Variants in TUBA1C observed in about 807,000 individuals in gnomAD.
TUBA1C encodes the protein tubulin alpha 1c.
A neutral mutation model predicts 34.9 loss-of-function variants in TUBA1C; 16 were observed. That is an observed-to-expected ratio of 0.46 (90% CI 0.31 to 0.70). The LOEUF is 0.70. Ranked by LOEUF, TUBA1C falls within the 30% of genes least tolerant of loss-of-function variation. The probability of loss-of-function intolerance (pLI) is 0.05; values close to 1 mark genes in which losing one functional copy is unlikely to be tolerated. For missense variants in TUBA1C, 329 were observed against 587.3 expected, an observed-to-expected ratio of 0.56 and a Z score of 4.55; for synonymous variants, 177 against 215.9, an observed-to-expected ratio of 0.82 and a Z score of 1.58.
At chr12:49,256,911 G>A (rs1191641501) in intron 1 of TUBA1C, among the ~76,000 whole-genome samples, 3 of 152,122 alleles carry the variant, frequency 2.0e-5, no homozygotes, top group Non-Finnish European at 4.4e-5. Context: ...CAGGAGCGGT[G>A]GTTCACGCCT....
intron 1 of TUBA1C, among the ~76,000 whole-genome samples, chr12:49,253,847 G>A (rs1942755119): frequency 6.6e-6 from 1 of 152,104 alleles, no homozygotes; most frequent in African/African-American, 2.4e-5. Context: ...CTAGAGTTCA[G>A]TCCCAATTTG....
Position 49,269,889 on chromosome 12 carries a change from G to A in TUBA1C, c.288G>A (p.Lys96=), listed in dbSNP as rs749461237. The change falls in exon 3 of 4, where the codon AAG becomes AAA. Residue 96 remains lysine, a synonymous_variant. Coordinates refer to ENST00000301072, the MANE Select transcript of TUBA1C (RefSeq NM_032704.5). ...LFHPEQLITG[K]EDAANNYARG... is the part of the protein sequence containing the mutation. The stretch of plus-strand genomic sequence containing the variant: ...ACCCTGAGCAACTCATCACAGGCAA[G>A]GAAGATGCTGCCAATAACTATGCCC... 6.2e-7 allele frequency: 1 copy of A among 1,614,138 alleles called. No homozygotes were observed. Among genetic ancestry groups the A allele is most frequent in the Non-Finnish European group, 8.5e-7 (1 of 1,180,040 alleles).
intron 1 of TUBA1C, among the ~76,000 whole-genome samples, chr12:49,237,654 A>C (rs569876344): frequency 1.9e-4 from 29 of 151,238 alleles, no homozygotes; most frequent in Non-Finnish European, 4.0e-4. Flanking sequence ...CCAAGGTAAG[A>C]GTATCCCTTG....
At chr12:49,241,996 T>C (rs1393087552) in intron 1 of TUBA1C, among the ~76,000 whole-genome samples, 1 of 150,454 alleles carries the variant, frequency 6.6e-6, no homozygotes, top group Non-Finnish European at 1.5e-5. Context: ...TCTTTCTTTT[T>C]TTTTTTTTTT....
Position 49,245,784 on chromosome 12 carries a change from G to T in TUBA1C, c.213+17618G>T, listed in dbSNP as rs559236679. On this transcript the variant is annotated intron_variant, in intron 1 of 3. Coordinates refer to the TUBA1C transcript ENST00000541364. The stretch of plus-strand genomic sequence containing the variant: ...TCAAAGTGGGCCTACTTTGTTTGGA[G>T]CAGGGCAGGACCAAAGGTTCTAACC... Among the ~76,000 whole-genome samples the T allele has an allele frequency of 1.6e-4, 25 of 152,332 alleles. No homozygotes were observed. In the South Asian group the frequency reaches 5.2e-3, roughly 32 times the overall value.
In TUBA1C at chr12:49,273,385, TG is replaced by T; in HGVS notation, c.*160del. ...CCAGTTAAAGTTGGATGTATGAGGCTGGTAGATGAAACCACCTGAGTCGAGG... is the reference window on the plus strand; with the variant it reads ...CCAGTTAAAGTTGGATGTATGAGGCTGTAGATGAAACCACCTGAGTCGAGG... On this transcript the variant is annotated 3_prime_UTR_variant, in exon 4 of 4. Transcript: ENST00000301072. The T allele has an allele frequency of 2.9e-6, 4 of 1,397,198 alleles. No individual in the cohort carries two copies. The highest frequency in any genetic ancestry group is 3.9e-6 in the Non-Finnish European group (4 of 1,024,922). 86.6% of individuals were successfully genotyped at this position (1,397,198 alleles called of 1,614,324 possible). A position where few individuals can be genotyped will look rare whatever the true frequency, so the allele number is the denominator to read the frequency against.
At chr12:49,268,268 C>T (rs904922772) in intron 1 of TUBA1C, among the ~76,000 whole-genome samples, 4 of 151,994 alleles carry the variant, frequency 2.6e-5, no homozygotes, top group Admixed American at 2.6e-4. Context: ...CTGGCTAATT[C>T]TTGTATTTTT....
At chr12:49,259,279 C>T (rs1376855959) in intron 1 of TUBA1C, among the ~76,000 whole-genome samples, 4 of 151,638 alleles carry the variant, frequency 2.6e-5, no homozygotes, top group Non-Finnish European at 5.9e-5. Flanking sequence ...GTCGCCCAGG[C>T]TGGAATGCAG....
chr12:49,235,900 T>G (rs1942550339), intron 1 of TUBA1C, among the ~76,000 whole-genome samples: 1 of 152,152 alleles, frequency 6.6e-6, no homozygotes, highest in Admixed American at 6.5e-5. Context: ...TCATTTAATT[T>G]CCTCCACCGG....
intron 1 of TUBA1C, among the ~76,000 whole-genome samples, chr12:49,246,822 G>T (rs569491595): frequency 8.7e-4 from 132 of 152,076 alleles, no homozygotes; most frequent in Non-Finnish European, 1.6e-3. Context: ...TCAGACACAG[G>T]GGGCAACCCC....
chr12:49,271,711 A>ACATC (rs1455421901), intron 3 of TUBA1C, among the ~76,000 whole-genome samples: 1 of 152,132 alleles, frequency 6.6e-6, no homozygotes, highest in Non-Finnish European at 1.5e-5. Flanking sequence ...TCTTTACAAG[A>ACATC]CATCCACTGT....
At position 49,269,811 on chromosome 12, in the gene TUBA1C, C is replaced by G. The variant is rs745924647; in HGVS notation, c.227-17C>G. Reference sequence around the variant, plus strand: ...CGCTCCTTGTCCCTCCTCCTCCTCCCCCATCATGTTCTCCAGATGAAGTTC... The same window carrying G: ...CGCTCCTTGTCCCTCCTCCTCCTCCGCCATCATGTTCTCCAGATGAAGTTC... On this transcript the variant is annotated splice_polypyrimidine_tract_variant and intron_variant, in intron 2 of 3. Coordinates refer to ENST00000301072, the MANE Select transcript of TUBA1C (RefSeq NM_032704.5). 3 of 1,613,934 alleles carry G rather than the reference C, an allele frequency of 1.9e-6. No individual in the cohort carries two copies. Among genetic ancestry groups the G allele is most frequent in the African/African-American group, 2.7e-5 (2 of 74,874 alleles).
intron 1 of TUBA1C, among the ~76,000 whole-genome samples, chr12:49,249,570 A>C (rs1421583623): frequency 1.3e-5 from 2 of 152,210 alleles, no homozygotes; most frequent in Non-Finnish European, 2.9e-5. Flanking sequence ...CTTTGAAAAA[A>C]TAACAATGAC....
intron 1 of TUBA1C, among the ~76,000 whole-genome samples, chr12:49,247,719 AG>A (rs1942686057): frequency 6.6e-6 from 1 of 152,074 alleles, no homozygotes. Flanking sequence ...AGGCCAAGGC[AG>A]GCGGATCACG....
chr12:49,250,659 T>C (rs966226330), intron 1 of TUBA1C, among the ~76,000 whole-genome samples: 1 of 152,048 alleles, frequency 6.6e-6, no homozygotes, highest in Admixed American at 6.6e-5. Context: ...ATGACTATGA[T>C]CCCAACACTT....
At chr12:49,233,581 A>T (rs187180405) in intron 1 of TUBA1C, 1 of 152,308 alleles carries the variant, frequency 6.6e-6, no homozygotes, top group African/African-American at 2.4e-5. Flanking sequence ...ACCAGACAAA[A>T]GAGAAGGCCC....
exon 1 of TUBA1C, chr12:49,228,005 G>C (rs1942457876): frequency 6.5e-7 from 1 of 1,535,616 alleles, no homozygotes; most frequent in Non-Finnish European, 8.7e-7. Flanking sequence ...TGAGTGCTTT[G>C]TGTGCTTGGA....
At chr12:49,267,713 C>T (rs1443986322) in intron 1 of TUBA1C, among the ~76,000 whole-genome samples, 2 of 152,176 alleles carry the variant, frequency 1.3e-5, no homozygotes, top group East Asian at 3.8e-4. Flanking sequence ...CTCCCACACC[C>T]CTGGAGCTGG....
At chr12:49,248,571 AAAAAG>A (rs1368681307) in intron 1 of TUBA1C, among the ~76,000 whole-genome samples, 1 of 151,606 alleles carries the variant, frequency 6.6e-6, no homozygotes, top group Non-Finnish European at 1.5e-5. Flanking sequence ...AGAAAAAAAA[AAAAAG>A]AAAAGGGCCG....
Sources: allele counts gnomAD v4.1 joint callset (sites outside exome capture counted in the v4.1 genomes callset), GRCh38; gene constraint gnomAD v4.1.1; transcripts MANE v1.5; gene names NCBI Gene and HGNC (gene_info 2026-07-23, HGNC 2026-07-21).